PPARA: variants seen among roughly 807,000 people sequenced by gnomAD.
PPARA encodes peroxisome proliferator-activated receptor alpha.
PPARA carries 22 observed loss-of-function variants against 42.2 expected under a neutral mutation model. The observed-to-expected ratio is 0.52, with a 90% CI of 0.37 to 0.74. PPARA has a LOEUF of 0.74. PPARA is among the 30% of genes least tolerant of loss of function. PPARA has a pLI of 0.00. For synonymous variants in PPARA, 242 were observed against 239.3 expected (o/e 1.01, Z -0.10); for missense variants, 465 against 608.2 (o/e 0.76, Z 2.48).
At chr22:46,158,498 G>A (rs1925665550) in intron 2 of PPARA, among the ~76,000 whole-genome samples, 1 of 152,246 alleles carries the variant, frequency 6.6e-6, no homozygotes, top group Non-Finnish European at 1.5e-5. Flanking sequence ...AAGAGACCCA[G>A]TTATTTAGAG....
At chr22:46,153,073 G>A (rs958274892) in intron 2 of PPARA, among the ~76,000 whole-genome samples, 10 of 151,824 alleles carry the variant, frequency 6.6e-5, no homozygotes, top group Non-Finnish European at 8.8e-5. Flanking sequence ...GCGCCAGGGC[G>A]AGACTCCGTC....
chr22:46,165,955 G>A lies in PPARA; in HGVS notation c.-126-10798G>A, dbSNP rs1158534284. 6.6e-6 allele frequency among the ~76,000 whole-genome samples: 1 copy of A among 151,842 alleles called. No individual in the cohort carries two copies. The highest frequency in any genetic ancestry group is 1.5e-5 in the Non-Finnish European group (1 of 67,940). Reference sequence around the variant, plus strand: ...CAAGGCGGGTGAATTGCTTGAGTCTGGGAGTTGGAGACCGGCCTGGGCAAC... The same window carrying A: ...CAAGGCGGGTGAATTGCTTGAGTCTAGGAGTTGGAGACCGGCCTGGGCAAC... On this transcript the variant is annotated intron_variant, in intron 2 of 8. Coordinates refer to ENST00000407236, the MANE Select transcript of PPARA (RefSeq NM_005036.6). The surrounding 1 kb of genome is among the most constrained non-coding windows in gnomAD (Gnocchi z 5.5).
In PPARA at chr22:46,161,420, G is replaced by A. The variant is rs748725363; in HGVS notation, c.-127+9450G>A. Among the ~76,000 whole-genome samples the A allele has an allele frequency of 3.3e-5, 5 of 151,858 alleles. No homozygotes were observed. The highest frequency in any genetic ancestry group is 2.1e-4 in the South Asian group (1 of 4,790). ...AGCCTGGCCAACATGGTGAAACCCC[G>A]TCTCTACTAAAAATACAAAATTTAG... On this transcript the variant is annotated intron_variant, in intron 2 of 8. Transcript: ENST00000407236. The surrounding 1 kb of genome is among the most constrained non-coding windows in gnomAD (Gnocchi z 4.8).
rs1930182014 is a variant in PPARA at position 46,182,984 on chromosome 22, A to G, written c.-43+6148A>G. On this transcript the variant is annotated intron_variant, in intron 3 of 8. Transcript: ENST00000407236. The surrounding 1 kb of genome is among the most constrained non-coding windows in gnomAD (Gnocchi z 5.2). Reference sequence around the variant, plus strand: ...GGTCTTGAACTCCTGACCTCAGGTGATCCACCCACCTCGGCCTCCCAAAGT... The same window carrying G: ...GGTCTTGAACTCCTGACCTCAGGTGGTCCACCCACCTCGGCCTCCCAAAGT... 6.6e-6 allele frequency among the ~76,000 whole-genome samples: 1 copy of G among 152,182 alleles called. No homozygotes were observed. The highest frequency in any genetic ancestry group is 1.5e-5 in the Non-Finnish European group (1 of 68,038).
chr22:46,220,584 C>T (rs537625067), intron 7 of PPARA: 3 of 164,268 alleles, frequency 1.8e-5, no homozygotes, highest in Admixed American at 1.7e-4. Context: ...CTTCCCACCT[C>T]GGCCTCCCAA....
rs1171515637 is a variant in PPARA, at chr22:46,156,371, C to T, written c.-127+4401C>T. On this transcript the variant is annotated intron_variant, in intron 2 of 8. Transcript: ENST00000407236. The surrounding 1 kb of genome is among the most constrained non-coding windows in gnomAD (Gnocchi z 5.2). ...CGAAGTGGCAGCTTAAAAAACTGCC[C>T]ATCTCAGGAGGTGTCTTAAGAAGGA... is the stretch of plus-strand genomic sequence containing the variant. The T allele has an allele frequency of 6.6e-6, 1 of 152,128 alleles. No homozygotes were observed. Among genetic ancestry groups the T allele is most frequent in the Non-Finnish European group, 1.5e-5 (1 of 68,032 alleles). 9.4% of individuals were successfully genotyped at this position (152,128 alleles called of 1,614,324 possible). A position where few individuals can be genotyped will look rare whatever the true frequency, so the allele number is the denominator to read the frequency against.
chr22:46,225,778 AAC>A lies in PPARA; in HGVS notation c.711+5773_711+5774del, dbSNP rs943043345. Among the ~76,000 whole-genome samples the A allele has an allele frequency of 5.7e-5, 4 of 70,246 alleles. No individual in the cohort carries two copies. Among genetic ancestry groups the A allele is most frequent in the African/African-American group, 2.0e-4 (1 of 4,962 alleles). The allele number at this position is 70,246 out of a possible 152,430, so 46.1% of individuals were successfully genotyped here. A position where few individuals can be genotyped will look rare whatever the true frequency, so the allele number is the denominator to read the frequency against. On this transcript the variant is annotated intron_variant, in intron 7 of 8. Transcript: ENST00000407236. The surrounding 1 kb of genome is among the most constrained non-coding windows in gnomAD (Gnocchi z 4.1). Reference sequence around the variant, plus strand: ...TCACACATCCATGCATGCACGTGTAAACACACACACCCCCACACATACACGTG... The same window carrying A: ...TCACACATCCATGCATGCACGTGTAAACACACACCCCCACACATACACGTG...
At chr22:46,194,936 CT>C (rs1932044901) in intron 3 of PPARA, among the ~76,000 whole-genome samples, 1 of 136,190 alleles carries the variant, frequency 7.3e-6, no homozygotes, top group African/African-American at 2.8e-5. Context: ...AAGTCTTGCT[CT>C]TGTCCCCCAG....
chr22:46,217,204 G>C, intron 5 of PPARA, among the ~76,000 whole-genome samples: 1 of 152,148 alleles, frequency 6.6e-6, no homozygotes, highest in East Asian at 1.9e-4. Context: ...GAAGACGTCA[G>C]CCTGCCTCTC....
chr22:46,158,519 G>A (rs1183518220), intron 2 of PPARA, among the ~76,000 whole-genome samples: 1 of 152,216 alleles, frequency 6.6e-6, no homozygotes, highest in East Asian at 1.9e-4. Context: ...GTTGACACGT[G>A]GATATGTCCC....
chr22:46,235,321 ACGGAGT>A lies in PPARA; in HGVS notation c.1353_1358del (p.Glu451_Ser452del). The A allele has an allele frequency of 6.2e-7, 1 of 1,614,074 alleles. No homozygotes were observed. The highest frequency in any genetic ancestry group is 8.5e-7 in the Non-Finnish European group (1 of 1,180,018). On this transcript the variant is annotated inframe_deletion, in exon 9 of 9. Transcript: ENST00000407236. This position sits in a 1 kb window ranked among gnomAD's most constrained non-coding sequence, Gnocchi z 7.0. Reference sequence around the variant, plus strand: ...GCAGCTGGTGCAGATCATCAAGAAGACGGAGTCGGATGCTGCGCTGCACCCGCTACT... The same window carrying A: ...GCAGCTGGTGCAGATCATCAAGAAGACGGATGCTGCGCTGCACCCGCTACT...
rs1021907652 is a variant in PPARA, at chr22:46,193,169, C to T, written c.-42-5173C>T. Among the ~76,000 whole-genome samples, 6 of 152,250 alleles carry T rather than the reference C, an allele frequency of 3.9e-5. No individual in the cohort carries two copies. Among genetic ancestry groups the T allele is most frequent in the South Asian group, 4.1e-4 (2 of 4,824 alleles). On this transcript the variant is annotated intron_variant, in intron 3 of 8. Transcript: ENST00000407236. This position sits in a 1 kb window ranked among gnomAD's most constrained non-coding sequence, Gnocchi z 5.3. ...GCAACCTCCACCTCCTGGGTTCAAG[C>T]GATCCTCCTGCCTCAGCCTCCCAAA...
At chr22:46,152,017 T>G (rs1024205878) in intron 2 of PPARA, 47 bp downstream of exon 2, 1 of 152,214 alleles carries the variant, frequency 6.6e-6, no homozygotes. Context: ...AATATTTAAG[T>G]GTTTTCAGTG....
chr22:46,217,782 C>T (rs1326499073), intron 5 of PPARA, among the ~76,000 whole-genome samples: 1 of 146,692 alleles, frequency 6.8e-6, no homozygotes, highest in African/African-American at 2.5e-5. Flanking sequence ...TGTATTTGTC[C>T]TAATCATTCC....
intron 2 of PPARA, among the ~76,000 whole-genome samples, chr22:46,153,988 A>T (rs559142475): frequency 1.9e-4 from 29 of 152,298 alleles, no homozygotes; most frequent in African/African-American, 6.7e-4. Context: ...TATGTGAAAA[A>T]CATTTCTGCA....
Position 46,227,909 on chromosome 22 carries a change from G to C in PPARA, c.712-3883G>C. On this transcript the variant is annotated intron_variant, in intron 7 of 8. Coordinates refer to ENST00000407236, the MANE Select transcript of PPARA (RefSeq NM_005036.6). The surrounding 1 kb of genome is among the most constrained non-coding windows in gnomAD (Gnocchi z 4.3). ...AGAATGTTTATCCATAAAGTTTAGC[G>C]AATTTGCAAGTGTGTTTTTCAACAG... Among the ~76,000 whole-genome samples, 1 of 152,028 alleles carries C rather than the reference G, an allele frequency of 6.6e-6. No homozygotes were observed. The highest frequency in any genetic ancestry group is 1.9e-4 in the East Asian group (1 of 5,192).
At chr22:46,229,774 C>T (rs1374804192) in intron 7 of PPARA, among the ~76,000 whole-genome samples, 2 of 152,154 alleles carry the variant, frequency 1.3e-5, no homozygotes, top group African/African-American at 4.8e-5. Flanking sequence ...AATGTTTTCA[C>T]TCATTTGTGA....
rs560315040 is a variant in PPARA at position 46,154,380 on chromosome 22, G to A, written c.-127+2410G>A. On this transcript the variant is annotated intron_variant, in intron 2 of 8. Coordinates refer to ENST00000407236, the MANE Select transcript of PPARA (RefSeq NM_005036.6). ...CGCCTATGGTTTCAGCACTTTGTGAGGCCGAAGGGGATGGATTGCTTGAGC... is the reference window on the plus strand; with the variant it reads ...CGCCTATGGTTTCAGCACTTTGTGAAGCCGAAGGGGATGGATTGCTTGAGC... Among the ~76,000 whole-genome samples, 23 of 152,278 alleles carry A rather than the reference G, an allele frequency of 1.5e-4. No homozygotes were observed. In the South Asian group the frequency reaches 4.6e-3, roughly 30 times the overall value.
rs1402147030 is a variant in PPARA at position 46,203,786 on chromosome 22, C to G, written c.208+5195C>G. Among the ~76,000 whole-genome samples the G allele has an allele frequency of 1.3e-5, 2 of 152,244 alleles. No individual in the cohort carries two copies. Among genetic ancestry groups the G allele is most frequent in the East Asian group, 1.9e-4 (1 of 5,196 alleles). On this transcript the variant is annotated intron_variant, in intron 4 of 8. Coordinates refer to ENST00000407236, the MANE Select transcript of PPARA (RefSeq NM_005036.6). This position sits in a 1 kb window ranked among gnomAD's most constrained non-coding sequence, Gnocchi z 5.8. ...TTCCCGTGGCTCCACCCCATTCTCC[C>G]AATGCCCAGGTGGGTCCCCGTCCCT...
Sources: allele counts gnomAD v4.1 joint callset (sites outside exome capture counted in the v4.1 genomes callset), GRCh38; gene constraint gnomAD v4.1.1; non-coding constraint Gnocchi (gnomAD v3.1); transcripts MANE v1.5; gene names NCBI Gene and HGNC (gene_info 2026-07-23, HGNC 2026-07-21).